The following SMOC2 variants were observed in gnomAD, a reference collection of about 807,000 sequenced individuals.
SMOC2 encodes SPARC related modular calcium binding 2.
In SMOC2, 39 loss-of-function variants were observed where a neutral mutation model predicts 61.4. The observed-to-expected ratio is 0.64, with a 90% confidence interval of 0.49 to 0.83. The LOEUF (loss-of-function observed/expected upper bound fraction) is 0.83, where lower values mean the gene tolerates loss of function less well. Among genes scored for constraint, SMOC2 ranks in the 40% least tolerant of loss-of-function variants. The pLI is 0.00. For synonymous variants in SMOC2, 247 were observed against 239.9 expected, an observed-to-expected ratio of 1.03 and a Z score of -0.27; for missense variants, 556 against 592.9, an observed-to-expected ratio of 0.94 and a Z score of 0.65.
At chr6:168,546,942 GTA>G (rs2115103494) in intron 5 of SMOC2, 175 bp from the exon 6 acceptor site, 1 of 749,120 alleles carries the variant, frequency 1.3e-6, no homozygotes, top group East Asian at 2.5e-5. Context: ...CTCAAGACTG[GTA>G]TAGTCATTCC....
chr6:168,576,693 G>A (rs1201663986), intron 7 of SMOC2, among the ~76,000 whole-genome samples: 1 of 152,028 alleles, frequency 6.6e-6, no homozygotes, highest in African/African-American at 2.4e-5. Flanking sequence ...CGAGTCCTTG[G>A]GGTGGAAGGA....
intron 9 of SMOC2, among the ~76,000 whole-genome samples, chr6:168,631,919 C>A (rs1786580310): frequency 6.6e-6 from 1 of 152,148 alleles, no homozygotes; most frequent in Non-Finnish European, 1.5e-5. Flanking sequence ...CCAGACCAGG[C>A]TCATGATGAT....
chr6:168,562,849 C>T lies in SMOC2; in HGVS notation c.637+13646C>T, dbSNP rs529746409. ...CGCAGGGATCTGGATCCCTCCAGGC[C>T]GTATTTTCACGGATGACAGTTTCAG... On this transcript the variant is annotated intron_variant, in intron 7 of 12. Transcript: ENST00000356284. Among the ~76,000 whole-genome samples, 3 of 152,246 alleles carry T rather than the reference C, an allele frequency of 2.0e-5. No individual in the cohort carries two copies. The East Asian group carries it at 5.8e-4, about 29-fold the overall frequency.
intron 4 of SMOC2, among the ~76,000 whole-genome samples, chr6:168,533,847 A>G (rs1783668245): frequency 6.6e-6 from 1 of 152,266 alleles, no homozygotes; most frequent in African/African-American, 2.4e-5. Flanking sequence ...TAGGAAATGC[A>G]CCGAAAATTG....
intron 1 of SMOC2, among the ~76,000 whole-genome samples, chr6:168,473,959 T>C (rs1423758930): frequency 6.6e-6 from 1 of 152,088 alleles, no homozygotes; most frequent in Admixed American, 6.5e-5. Context: ...TATATGACGT[T>C]AGGCAGATCA....
At chr6:168,600,398 ACT>A (rs1466492944) in intron 8 of SMOC2, among the ~76,000 whole-genome samples, 1 of 135,332 alleles carries the variant, frequency 7.4e-6, no homozygotes, top group Non-Finnish European at 1.6e-5. Context: ...CAAGAGCGAA[ACT>A]CTGCCTCAAA....
At chr6:168,619,698 A>T (rs1427290088) in intron 9 of SMOC2, among the ~76,000 whole-genome samples, 2 of 152,176 alleles carry the variant, frequency 1.3e-5, no homozygotes, top group East Asian at 3.9e-4. Context: ...CCGCTGACTC[A>T]GGCAGGAAAC....
intron 8 of SMOC2, among the ~76,000 whole-genome samples, chr6:168,604,816 T>C (rs1785646217): frequency 6.6e-6 from 1 of 152,238 alleles, no homozygotes; most frequent in Admixed American, 6.5e-5. Flanking sequence ...TACATGCCAC[T>C]CTGCCCAGAT....
intron 1 of SMOC2, among the ~76,000 whole-genome samples, chr6:168,454,426 C>T (rs2114996540): frequency 6.6e-6 from 1 of 152,232 alleles, no homozygotes; most frequent in East Asian, 1.9e-4. Context: ...TTTCCAGGTT[C>T]ATTCAGAACT....
intron 2 of SMOC2, among the ~76,000 whole-genome samples, chr6:168,523,616 G>A (rs879382190): frequency 2.6e-5 from 4 of 151,136 alleles, no homozygotes; most frequent in Non-Finnish European, 5.9e-5. Context: ...AGCCAGGATG[G>A]TCTTCATCTC....
At chr6:168,493,438 A>G (rs775578931) in intron 1 of SMOC2, among the ~76,000 whole-genome samples, 9 of 152,250 alleles carry the variant, frequency 5.9e-5, no homozygotes, top group African/African-American at 9.6e-5. Flanking sequence ...TACTTTGTAC[A>G]AGATCTTCTG....
At chr6:168,665,210 ACT>A (rs1298531319) in intron 12 of SMOC2, 1 of 159,406 alleles carries the variant, frequency 6.3e-6, no homozygotes, top group African/African-American at 2.4e-5. Context: ...TCTTAAATAA[ACT>A]CAGTTCAAAG....
chr6:168,623,247 A>G (rs1786289532), intron 9 of SMOC2, among the ~76,000 whole-genome samples: 1 of 151,560 alleles, frequency 6.6e-6, no homozygotes, highest in African/African-American at 2.4e-5. Context: ...AGCAGGCTGG[A>G]GGGCTGCGGG....
chr6:168,595,352 A>G (rs1421681343), intron 7 of SMOC2, among the ~76,000 whole-genome samples: 1 of 152,102 alleles, frequency 6.6e-6, no homozygotes, highest in Admixed American at 6.6e-5. Context: ...TGCTGTGGTG[A>G]CACAGGACCT....
chr6:168,464,648 C>A (rs1781788570), intron 1 of SMOC2, among the ~76,000 whole-genome samples: 1 of 151,952 alleles, frequency 6.6e-6, no homozygotes, highest in Non-Finnish European at 1.5e-5. Flanking sequence ...TTCCACTAAG[C>A]CACAAATGGA....
At chr6:168,581,258 A>G (rs1206700388) in intron 7 of SMOC2, among the ~76,000 whole-genome samples, 2 of 152,190 alleles carry the variant, frequency 1.3e-5, no homozygotes, top group African/African-American at 4.8e-5. Context: ...AGAACCACGA[A>G]ATTTCCATGA....
chr6:168,503,153 A>G (rs964424352), intron 1 of SMOC2, among the ~76,000 whole-genome samples: 1 of 131,724 alleles, frequency 7.6e-6, no homozygotes, highest in Non-Finnish European at 1.5e-5. Flanking sequence ...ATCTCTGCTC[A>G]CTGCAACCTC....
chr6:168,649,702 C>T (rs941201453), intron 9 of SMOC2, among the ~76,000 whole-genome samples: 11 of 152,206 alleles, frequency 7.2e-5, no homozygotes, highest in Non-Finnish European at 1.5e-4. Context: ...ATCGGGGAAA[C>T]GAGGGTGGGG....
At chr6:168,550,691 G>GC (rs965042881) in intron 7 of SMOC2, among the ~76,000 whole-genome samples, 1 of 152,024 alleles carries the variant, frequency 6.6e-6, no homozygotes, top group Non-Finnish European at 1.5e-5. Context: ...AACCCCAAGG[G>GC]CCCCCCACCG....
Sources: allele counts gnomAD v4.1 joint callset (sites outside exome capture counted in the v4.1 genomes callset), GRCh38; gene constraint gnomAD v4.1.1; transcripts MANE v1.5; gene names NCBI Gene and HGNC (gene_info 2026-07-23, HGNC 2026-07-21).